The following ZDHHC16 variants were observed in gnomAD, a reference collection of about 807,000 sequenced individuals.
The protein encoded by ZDHHC16 is zDHHC palmitoyltransferase 16.
In ZDHHC16, 33 loss-of-function variants were observed where a neutral mutation model predicts 54.4. The observed-to-expected ratio is 0.61, with a 90% CI of 0.46 to 0.81. ZDHHC16 has a LOEUF of 0.81. Among genes scored for constraint, ZDHHC16 ranks in the 30% least tolerant of loss-of-function variants. ZDHHC16 has a pLI of 0.00. For missense variants in ZDHHC16, 420 were observed against 485.9 expected (o/e 0.86, Z 1.28); for synonymous variants, 185 against 182.1 (o/e 1.02, Z -0.13).
At chr10:97,446,908 G>C (rs902091387) in intron 1 of ZDHHC16, among the ~76,000 whole-genome samples, 3 of 152,160 alleles carry the variant, frequency 2.0e-5, no homozygotes, top group African/African-American at 7.2e-5. Context: ...TAGTAGTGAC[G>C]GGGTTTCACC....
rs147594747 is a variant in ZDHHC16 at position 97,453,919 on chromosome 10, C to T, written c.738+73C>T. On this transcript the variant is annotated intron_variant, in intron 8 of 11. Coordinates refer to ENST00000393760, the MANE Select transcript of ZDHHC16 (RefSeq NM_198046.3). The stretch of plus-strand genomic sequence containing the variant: ...ATAGAGTTGCTAAGGCATCTGGGGC[C>T]GACCTGCCCATGTAGTTGTAGAGGC... 8.3e-3 allele frequency: 13,270 copies of T among 1,597,562 alleles called. 135 individuals carry two copies. The highest frequency in any genetic ancestry group is 0.016 in the Middle Eastern group (80 of 4,988).
chr10:97,450,151 G>A (rs1355334443), intron 1 of ZDHHC16, among the ~76,000 whole-genome samples: 2 of 152,220 alleles, frequency 1.3e-5, no homozygotes, highest in South Asian at 2.1e-4. Flanking sequence ...GATTACAGGC[G>A]TGAGCCACCG....
intron 1 of ZDHHC16, among the ~76,000 whole-genome samples, chr10:97,447,345 T>A (rs1846174006): frequency 6.6e-6 from 1 of 152,222 alleles, no homozygotes; most frequent in South Asian, 2.1e-4. Flanking sequence ...CTGATGGCTT[T>A]GCCGTCTGTC....
In ZDHHC16 at chr10:97,453,808, C is replaced by T; in HGVS notation, c.700C>T (p.Gln234Ter). The T allele has an allele frequency of 6.2e-7, 1 of 1,614,204 alleles. No homozygotes were observed. The highest frequency in any genetic ancestry group is 8.5e-7 in the Non-Finnish European group (1 of 1,180,040). ...TTTTCCGTCCCCTTAGAAAATGAAACAGCTCGACAAGAACAAACTACAGGC... is the reference window on the plus strand; with the variant it reads ...TTTTCCGTCCCCTTAGAAAATGAAATAGCTCGACAAGAACAAACTACAGGC... Reference protein sequence around the residue: ...EAYAAIEKMKQLDKNKLQAVA... With the variant: ...EAYAAIEKMK The change falls in exon 8 of 12, where the codon CAG becomes TAG. Residue 234 changes from glutamine to a stop codon, truncating the protein, a stop_gained. Transcript: ENST00000393760. LOFTEE classifies it high-confidence loss of function.
rs1460213860 is a variant in ZDHHC16, at chr10:97,451,790, T to TGGCGCTACGGCAAGGTCTGCC, written c.116_136dup (p.Cys45_Leu46insArgArgTyrGlyLysValCys). 6.2e-7 allele frequency: 1 copy of TGGCGCTACGGCAAGGTCTGCC among 1,614,222 alleles called. No individual in the cohort carries two copies. The highest frequency in any genetic ancestry group is 2.2e-5 in the East Asian group (1 of 44,876). The stretch of plus-strand genomic sequence containing the variant: ...TCTACTCCGGGGTCTAGTACAGCGC[T>TGGCGCTACGGCAAGGTCTGCC]GGCGCTACGGCAAGGTCTGCCTGCG... On this transcript the variant is annotated inframe_insertion, in exon 3 of 12. Coordinates refer to ENST00000393760, the MANE Select transcript of ZDHHC16 (RefSeq NM_198046.3).
chr10:97,454,293 GC>G (rs1846955639), intron 8 of ZDHHC16, among the ~76,000 whole-genome samples: 1 of 152,150 alleles, frequency 6.6e-6, no homozygotes, highest in African/African-American at 2.4e-5. Flanking sequence ...TATTTCTGCT[GC>G]CCTTTCACAG....
In ZDHHC16 at chr10:97,452,294, C is replaced by T. The variant is rs1190163820; in HGVS notation, c.438+10C>T. The T allele has an allele frequency of 1.2e-6, 2 of 1,613,950 alleles. No homozygotes were observed. The highest frequency in any genetic ancestry group is 2.7e-5 in the African/African-American group (2 of 75,048). On this transcript the variant is annotated intron_variant, in intron 4 of 11. Transcript: ENST00000393760. ...TGGGTACCCACCCCAGGTGGGTCCT[C>T]ACAGGAGCACTGGGGGAAGTTGCTG...
intron 1 of ZDHHC16, among the ~76,000 whole-genome samples, chr10:97,449,829 C>CATT (rs1554890627): frequency 7.4e-6 from 1 of 135,254 alleles, no homozygotes; most frequent in Non-Finnish European, 1.6e-5. Flanking sequence ...TGCGCCCGGC[C>CATT]TTTTTTTCTC....
At chr10:97,448,585 C>T (rs530825933) in intron 1 of ZDHHC16, among the ~76,000 whole-genome samples, 25 of 152,058 alleles carry the variant, frequency 1.6e-4, no homozygotes, top group Admixed American at 9.8e-4. Flanking sequence ...TGCGAAACCC[C>T]GTCTCTACTA....
intron 1 of ZDHHC16, among the ~76,000 whole-genome samples, chr10:97,447,471 A>G (rs1846187735): frequency 6.6e-6 from 1 of 152,150 alleles, no homozygotes; most frequent in Non-Finnish European, 1.5e-5. Context: ...GATGACCAGT[A>G]TGGCCTGTGA....
At chr10:97,453,282 C>G (rs1235654085) in intron 6 of ZDHHC16, among the ~76,000 whole-genome samples, 1 of 152,112 alleles carries the variant, frequency 6.6e-6, no homozygotes, top group Admixed American at 6.5e-5. Flanking sequence ...TTGGCAGATT[C>G]ATTTTACTGA....
At chr10:97,454,908 T>A in intron 9 of ZDHHC16, 109 bp downstream of exon 9, 1 of 925,424 alleles carries the variant, frequency 1.1e-6, no homozygotes. Context: ...ACTGCTCTAG[T>A]CTAACTTAGG....
rs1847001302 is a variant in ZDHHC16, at chr10:97,454,757, G to A, written c.782G>A (p.Arg261Lys). 2 of 1,614,052 alleles carry A rather than the reference G, an allele frequency of 1.2e-6. No homozygotes were observed. The highest frequency in any genetic ancestry group is 8.5e-7 in the Non-Finnish European group (1 of 1,180,044). The change falls in exon 9 of 12, where the codon AGG becomes AAG. Residue 261 changes from arginine (R) to lysine (K), a missense_variant. Physicochemically the swap from Arg to Lys is conservative, Grantham distance 26. Transcript: ENST00000393760. The part of the protein sequence containing the change: ...TPPPTFSFRE[R>K]MTHKSLVYLW... ...CCACCCACCTTCTCCTTTCGAGAAA[G>A]GATGACTCACAAGAGTCTTGTCTAC...
In ZDHHC16 at chr10:97,456,765, CTT is replaced by C. The variant is rs1256708135; in HGVS notation, c.1020-11_1020-10del. ...TTCTTGAACTCAGAGACATTTCTCT[CTT>C]CTCTTCTAGGCACTGGCTTACTCGG... is the stretch of plus-strand genomic sequence containing the variant. On this transcript the variant is annotated splice_polypyrimidine_tract_variant and intron_variant, in intron 11 of 11. Coordinates refer to ENST00000393760, the MANE Select transcript of ZDHHC16 (RefSeq NM_198046.3). 2.5e-6 allele frequency: 4 copies of C among 1,587,564 alleles called. No individual in the cohort carries two copies. The highest frequency in any genetic ancestry group is 2.7e-5 in the African/African-American group (2 of 74,352).
chr10:97,454,879 C>G, intron 9 of ZDHHC16, 80 bp downstream of exon 9: 1 of 1,246,842 alleles, frequency 8.0e-7, no homozygotes, highest in South Asian at 1.2e-5. Context: ...GGCAGAAACC[C>G]ATTCCTAAGT....
At chr10:97,452,723 C>A (rs1846762824) in intron 5 of ZDHHC16, 172 bp from the exon 6 acceptor site, 1 of 974,040 alleles carries the variant, frequency 1.0e-6, no homozygotes, top group Non-Finnish European at 1.6e-6. Flanking sequence ...TTACCTTGTC[C>A]AATATCTTAT....
chr10:97,447,152 C>G (rs1366519579), intron 1 of ZDHHC16, among the ~76,000 whole-genome samples: 1 of 152,198 alleles, frequency 6.6e-6, no homozygotes, highest in Non-Finnish European at 1.5e-5. Context: ...TAAGCAGCCC[C>G]AAAATAAAGT....
intron 11 of ZDHHC16, 23 bp downstream of exon 11, chr10:97,456,067 A>T: frequency 6.2e-7 from 1 of 1,611,754 alleles, no homozygotes; most frequent in Non-Finnish European, 8.5e-7. Flanking sequence ...ACACAGACTA[A>T]TGCTGTCCAA....
chr10:97,451,772 C>A lies in ZDHHC16; in HGVS notation c.97C>A (p.Arg33=). The A allele has an allele frequency of 6.2e-7, 1 of 1,614,120 alleles. No homozygotes were observed. Among genetic ancestry groups the A allele is most frequent in the Non-Finnish European group, 8.5e-7 (1 of 1,180,034 alleles). ...GYRRRCPPLL[R]GLVQRWRYGK... is the part of the protein sequence containing the mutation. ...CAGGCGCCGCTGTCCACCTCTACTC[C>A]GGGGTCTAGTACAGCGCTGGCGCTA... The change falls in exon 3 of 12, where the codon CGG becomes AGG. Residue 33 remains arginine, a synonymous_variant. Transcript: ENST00000393760.
Sources: gnomAD v4.1 joint callset for allele counts (sites outside exome capture counted in the v4.1 genomes callset) on GRCh38, gnomAD v4.1.1 for gene constraint, MANE v1.5 for transcripts, NCBI Gene and HGNC (gene_info 2026-07-23, HGNC 2026-07-21) for gene names.